The following TOX variants were observed in gnomAD, a reference collection of about 807,000 sequenced individuals.
TOX encodes thymocyte selection associated high mobility group box.
A neutral mutation model predicts 53.7 loss-of-function variants in TOX; 11 were observed. The observed-to-expected ratio is 0.20, with a 90% confidence interval of 0.13 to 0.34. The LOEUF (loss-of-function observed/expected upper bound fraction) is 0.34, where lower values mean the gene tolerates loss of function less well. TOX is among the 10% of genes least tolerant of loss of function. The pLI is 1.00. For missense variants in TOX, 570 were observed against 664.6 expected (o/e 0.86, Z 1.56); for synonymous variants, 225 against 245.3 (o/e 0.92, Z 0.77).
chr8:59,028,938 C>T (rs1256789236), intron 1 of TOX, among the ~76,000 whole-genome samples: 1 of 152,076 alleles, frequency 6.6e-6, no homozygotes, highest in Non-Finnish European at 1.5e-5. Flanking sequence ...AATAACTTAG[C>T]AAACCTTGAG....
intron 3 of TOX, among the ~76,000 whole-genome samples, chr8:58,929,735 G>T (rs1474835303): frequency 2.0e-5 from 3 of 152,032 alleles, no homozygotes; most frequent in Non-Finnish European, 4.4e-5. Context: ...CAAAGACATG[G>T]CAAGCTGAGA....
At chr8:58,873,794 T>C (rs773998015) in intron 3 of TOX, among the ~76,000 whole-genome samples, 2 of 151,834 alleles carry the variant, frequency 1.3e-5, no homozygotes, top group Non-Finnish European at 2.9e-5. Context: ...ACTTTCAATC[T>C]TTGCTCATGA....
intron 3 of TOX, among the ~76,000 whole-genome samples, chr8:58,934,790 T>C (rs987518747): frequency 2.0e-5 from 3 of 152,228 alleles, no homozygotes; most frequent in Non-Finnish European, 4.4e-5. Context: ...TCATTTTATT[T>C]AACCAACACT....
intron 1 of TOX, among the ~76,000 whole-genome samples, chr8:59,083,721 A>T (rs1376989376): frequency 6.6e-6 from 1 of 152,182 alleles, no homozygotes; most frequent in Admixed American, 6.5e-5. Flanking sequence ...TGAACTCTGC[A>T]CCATGTACAT....
At chr8:58,951,551 G>C (rs965779664) in intron 2 of TOX, among the ~76,000 whole-genome samples, 1 of 128,268 alleles carries the variant, frequency 7.8e-6, no homozygotes, top group Non-Finnish European at 1.7e-5. Flanking sequence ...TGTTGACCCG[G>C]TCTCACCTGG....
intron 3 of TOX, among the ~76,000 whole-genome samples, chr8:58,859,566 C>A (rs1445077942): frequency 6.6e-6 from 1 of 152,108 alleles, no homozygotes; most frequent in East Asian, 1.9e-4. Flanking sequence ...AACCCTGGAG[C>A]ACAATTTATT....
intron 1 of TOX, among the ~76,000 whole-genome samples, chr8:58,971,929 G>C (rs142586331): frequency 3.5e-4 from 54 of 152,276 alleles, no homozygotes; most frequent in African/African-American, 1.3e-3. Context: ...GACCTTAGGT[G>C]ATCCACCTGC....
At chr8:58,980,955 T>C (rs1448789230) in intron 1 of TOX, among the ~76,000 whole-genome samples, 1 of 152,204 alleles carries the variant, frequency 6.6e-6, no homozygotes, top group Non-Finnish European at 1.5e-5. Flanking sequence ...ATTTTCTCTC[T>C]CCTAACTGTT....
intron 1 of TOX, among the ~76,000 whole-genome samples, chr8:59,054,369 A>T (rs1321992240): frequency 2.6e-5 from 4 of 152,154 alleles, no homozygotes; most frequent in Non-Finnish European, 5.9e-5. Context: ...CAAATTTCCA[A>T]GCTTCATCCA....
rs569738146 is a variant in TOX at position 58,874,444 on chromosome 8, C to T, written c.412-22639G>A. ...TAAGACTTTGTGAGCGCTAAGGTAA[C>T]GTTGGCTTCTGGATTCGCCTACTTG... On this transcript the variant is annotated intron_variant, in intron 3 of 8. Coordinates refer to ENST00000361421, the MANE Select transcript of TOX (RefSeq NM_014729.3). Among the ~76,000 whole-genome samples the T allele has an allele frequency of 9.2e-5, 14 of 152,166 alleles. 1 individual carries two copies. Among genetic ancestry groups the T allele is most frequent in the African/African-American group, 3.4e-4 (14 of 41,510 alleles).
intron 1 of TOX, among the ~76,000 whole-genome samples, chr8:59,032,508 C>T (rs1269976014): frequency 2.0e-5 from 3 of 152,180 alleles, no homozygotes; most frequent in East Asian, 3.8e-4. Context: ...GGAACTTCTG[C>T]CCATGCCATC....
intron 2 of TOX, among the ~76,000 whole-genome samples, chr8:58,947,247 A>T (rs1241926036): frequency 6.6e-6 from 1 of 152,138 alleles, no homozygotes; most frequent in African/African-American, 2.4e-5. Flanking sequence ...TAAGATCCAT[A>T]GGCTACATAA....
chr8:58,949,792 G>A (rs1339907358), intron 2 of TOX, among the ~76,000 whole-genome samples: 1 of 151,542 alleles, frequency 6.6e-6, no homozygotes, highest in Non-Finnish European at 1.5e-5. Flanking sequence ...CCAGCATGGA[G>A]TTGAGCATTC....
At chr8:58,983,174 T>C (rs1385955129) in intron 1 of TOX, among the ~76,000 whole-genome samples, 3 of 152,230 alleles carry the variant, frequency 2.0e-5, no homozygotes, top group Non-Finnish European at 4.4e-5. Flanking sequence ...GCTTATGAAC[T>C]CACTGACAGC....
intron 1 of TOX, among the ~76,000 whole-genome samples, chr8:59,098,108 A>T (rs369408783): frequency 6.6e-6 from 1 of 152,166 alleles, no homozygotes; most frequent in African/African-American, 2.4e-5. Context: ...TCAAAGAAAA[A>T]GGGCACCTAC....
chr8:59,119,037 A>T lies in TOX; in HGVS notation c.-50T>A. 7.3e-7 allele frequency: 1 copy of T among 1,367,780 alleles called. No homozygotes were observed. Among genetic ancestry groups the T allele is most frequent in the Non-Finnish European group, 1.0e-6 (1 of 972,432 alleles). The allele number at this position is 1,367,780 out of a possible 1,614,324, so 84.7% of individuals were successfully genotyped here. ...TTTTCTTTTTCCTTTTTTAAAAAAA[A>T]GTGTTCAGCAAAACAAGCTTAGACG... On this transcript the variant is annotated 5_prime_UTR_variant, in exon 1 of 9. Transcript: ENST00000361421.
At chr8:58,896,911 A>G (rs1274929599) in intron 3 of TOX, among the ~76,000 whole-genome samples, 2 of 152,212 alleles carry the variant, frequency 1.3e-5, no homozygotes, top group Admixed American at 6.5e-5. Flanking sequence ...CGTTAGGGAT[A>G]AGACATAAGC....
At chr8:58,906,230 C>T (rs1382622258) in intron 3 of TOX, among the ~76,000 whole-genome samples, 2 of 151,754 alleles carry the variant, frequency 1.3e-5, no homozygotes, top group South Asian at 2.1e-4. Flanking sequence ...GGCCACAAGT[C>T]GAGAATGTGC....
At chr8:58,948,628 T>C (rs1812564339) in intron 2 of TOX, among the ~76,000 whole-genome samples, 1 of 152,226 alleles carries the variant, frequency 6.6e-6, no homozygotes, top group Non-Finnish European at 1.5e-5. Context: ...TGCTAGATCA[T>C]CTTCCATATT....
Sources: gnomAD v4.1 joint callset for allele counts (sites outside exome capture counted in the v4.1 genomes callset) on GRCh38, gnomAD v4.1.1 for gene constraint, MANE v1.5 for transcripts, NCBI Gene and HGNC (gene_info 2026-07-23, HGNC 2026-07-21) for gene names.